The following NCOA1 variants were observed in gnomAD, a reference collection of about 807,000 sequenced individuals.
The protein encoded by NCOA1 is nuclear receptor coactivator 1.
A neutral mutation model predicts 150.9 loss-of-function variants in NCOA1; 35 were observed. That is an observed-to-expected ratio of 0.23 (90% CI 0.18 to 0.31). NCOA1 has a LOEUF of 0.31. NCOA1 is among the 10% of genes least tolerant of loss of function. The pLI is 1.00. For missense variants in NCOA1, 1,491 were observed against 1,749.3 expected (o/e 0.85, Z 2.63); for synonymous variants, 590 against 630.0 (o/e 0.94, Z 0.95).
chr2:24,703,887 T>C (rs1000355012), intron 11 of NCOA1, among the ~76,000 whole-genome samples: 1 of 152,192 alleles, frequency 6.6e-6, no homozygotes, highest in African/African-American at 2.4e-5. Context: ...TATCACAGGC[T>C]AAATTATAAT....
intron 3 of NCOA1, among the ~76,000 whole-genome samples, chr2:24,637,486 A>G (rs1453808343): frequency 6.6e-6 from 1 of 151,700 alleles, no homozygotes; most frequent in Non-Finnish European, 1.5e-5. Context: ...TGTGGCACAT[A>G]TACACCATGG....
chr2:24,740,925 G>GA (rs974876862), intron 18 of NCOA1, among the ~76,000 whole-genome samples: 1 of 152,018 alleles, frequency 6.6e-6, no homozygotes, highest in Admixed American at 6.6e-5. Context: ...ATGTTACATT[G>GA]AAAAAATGAT....
intron 1 of NCOA1, among the ~76,000 whole-genome samples, chr2:24,541,492 A>G (rs1036820450): frequency 3.7e-4 from 57 of 152,340 alleles, no homozygotes; most frequent in African/African-American, 1.3e-3. Context: ...TATACAGACT[A>G]CTGGTATTTG....
chr2:24,661,449 C>G (rs1671179693), intron 5 of NCOA1, among the ~76,000 whole-genome samples: 1 of 152,094 alleles, frequency 6.6e-6, no homozygotes, highest in Non-Finnish European at 1.5e-5. Flanking sequence ...GTATCTTCTC[C>G]CAACCTGTTG....
At chr2:24,579,609 C>T (rs1022754027) in intron 2 of NCOA1, among the ~76,000 whole-genome samples, 6 of 152,270 alleles carry the variant, frequency 3.9e-5, no homozygotes, top group South Asian at 4.1e-4. Flanking sequence ...AAGTCTGAAT[C>T]ATGTTTCCCT....
intron 12 of NCOA1, among the ~76,000 whole-genome samples, chr2:24,706,227 C>T (rs955762892): frequency 1.6e-4 from 25 of 151,774 alleles, no homozygotes; most frequent in Non-Finnish European, 1.5e-5. Context: ...GTATATTAGG[C>T]TTAGAAATTG....
At chr2:24,534,522 G>T (rs1665041559) in intron 1 of NCOA1, among the ~76,000 whole-genome samples, 1 of 151,604 alleles carries the variant, frequency 6.6e-6, no homozygotes, top group Non-Finnish European at 1.5e-5. Context: ...TGCTTCTCTA[G>T]TTCTTTTAAT....
chr2:24,504,333 C>T (rs1273021700), intron 1 of NCOA1, among the ~76,000 whole-genome samples: 1 of 152,188 alleles, frequency 6.6e-6, no homozygotes, highest in Non-Finnish European at 1.5e-5. Context: ...TCCTTGGTTA[C>T]TGTGGCTTTG....
intron 2 of NCOA1, among the ~76,000 whole-genome samples, chr2:24,574,791 C>A (rs867913483): frequency 2.0e-5 from 3 of 152,234 alleles, no homozygotes; most frequent in African/African-American, 2.4e-5. Flanking sequence ...AGGTTCCCCC[C>A]CTTCCAATCT....
chr2:24,627,170 A>G (rs373865683), intron 3 of NCOA1, among the ~76,000 whole-genome samples: 108 of 90,834 alleles, frequency 1.2e-3, no homozygotes, highest in African/African-American at 4.5e-3. Context: ...TCTGTTTGTC[A>G]TTCCTCACCC....
At chr2:24,576,859 G>C (rs116536276) in intron 2 of NCOA1, among the ~76,000 whole-genome samples, 2 of 152,056 alleles carry the variant, frequency 1.3e-5, no homozygotes, top group African/African-American at 4.8e-5. Flanking sequence ...TTTCAGTGTC[G>C]GGTACCTACT....
chr2:24,677,339 G>C (rs1671959297), intron 7 of NCOA1, among the ~76,000 whole-genome samples: 1 of 152,092 alleles, frequency 6.6e-6, no homozygotes, highest in African/African-American at 2.4e-5. Flanking sequence ...GCAAGACCCT[G>C]TCTCAAAAAC....
At chr2:24,742,315 G>GGGTCTCC in intron 19 of NCOA1, 129 bp downstream of exon 19, 1 of 1,094,066 alleles carries the variant, frequency 9.1e-7, no homozygotes, top group Non-Finnish European at 1.3e-6. Context: ...TGGGAGTCTG[G>GGGTCTCC]AGACCCAGGA....
chr2:24,728,493 A>G lies in NCOA1; in HGVS notation c.2886+17A>G, dbSNP rs899696285. The G allele has an allele frequency of 5.0e-6, 8 of 1,600,890 alleles. No homozygotes were observed. In the African/African-American group the frequency reaches 9.4e-5, roughly 19 times the overall value. ...CTTGTTCAGGTATTTATTAAAGTCA[A>G]CATTATTTAACTGATGGAGCCCTAA... On this transcript the variant is annotated intron_variant, in intron 16 of 22. Transcript: ENST00000348332.
chr2:24,568,880 C>T (rs540468479), intron 2 of NCOA1, among the ~76,000 whole-genome samples: 6 of 152,188 alleles, frequency 3.9e-5, no homozygotes, highest in Non-Finnish European at 7.3e-5. Flanking sequence ...GTGCTTGATA[C>T]AGGTGTGTTA....
chr2:24,586,601 T>A (rs909995099), intron 3 of NCOA1, among the ~76,000 whole-genome samples: 3 of 152,040 alleles, frequency 2.0e-5, no homozygotes, highest in Admixed American at 2.0e-4. Flanking sequence ...CCCCAGAGTA[T>A]GCCCAGCTAA....
At chr2:24,642,456 T>TA (rs368168639) in intron 3 of NCOA1, among the ~76,000 whole-genome samples, 148 of 152,150 alleles carry the variant, frequency 9.7e-4, no homozygotes, top group African/African-American at 3.4e-3. Flanking sequence ...GATCTGGAGT[T>TA]ACATTTTCTA....
chr2:24,642,040 G>GCA (rs1670251532), intron 3 of NCOA1, among the ~76,000 whole-genome samples: 2 of 150,486 alleles, frequency 1.3e-5, no homozygotes, highest in African/African-American at 2.4e-5. Context: ...GTGTGTGTGC[G>GCA]CGCGTGCGTA....
rs567685527 is a variant in NCOA1, at chr2:24,508,727, C to T, written c.-396+17125C>T. Among the ~76,000 whole-genome samples the T allele has an allele frequency of 4.6e-5, 7 of 152,198 alleles. No individual in the cohort carries two copies. In the South Asian group the frequency reaches 1.5e-3, roughly 32 times the overall value. ...CAGTTTGGTTAAACATGTTGCTCTG[C>T]CCTCTCTATATCCTGTAAATTGACA... On this transcript the variant is annotated intron_variant, in intron 1 of 22. Coordinates refer to ENST00000348332, the MANE Select transcript of NCOA1 (RefSeq NM_003743.5).
Sources: gnomAD v4.1 joint callset for allele counts (sites outside exome capture counted in the v4.1 genomes callset) on GRCh38, gnomAD v4.1.1 for gene constraint, MANE v1.5 for transcripts, NCBI Gene and HGNC (gene_info 2026-07-23, HGNC 2026-07-21) for gene names.